Variants in MLIP observed in about 807,000 individuals in gnomAD.
MLIP encodes muscular LMNA-interacting protein.
In MLIP, 79 loss-of-function variants were observed where a neutral mutation model predicts 84.8. That is an observed-to-expected ratio of 0.93 (90% CI 0.78 to 1.12). The LOEUF is 1.12. MLIP is among the 50% of genes most tolerant of loss of function. MLIP has a pLI of 0.00. For missense variants in MLIP, 1,257 were observed against 1,160.6 expected (o/e 1.08, Z -1.21); for synonymous variants, 504 against 463.0 (o/e 1.09, Z -1.14).
chr6:54,113,424 G>A (rs965170781), intron 1 of MLIP, among the ~76,000 whole-genome samples: 19 of 152,078 alleles, frequency 1.2e-4, no homozygotes, highest in Admixed American at 7.2e-4. Flanking sequence ...GTTGTATTAC[G>A]TATTGTTGAT....
chr6:54,045,387 G>T (rs1159207013), intron 1 of MLIP: 2 of 151,964 alleles, frequency 1.3e-5, no homozygotes, highest in Middle Eastern at 3.2e-3. Flanking sequence ...GATGCACCAT[G>T]CATGATCAAA....
chr6:54,183,798 G>A lies in MLIP; in HGVS notation c.2545-6072G>A, dbSNP rs75199576. 4.2e-5 allele frequency among the ~76,000 whole-genome samples: 6 copies of A among 144,350 alleles called. No individual in the cohort carries two copies. In the East Asian group the frequency reaches 6.3e-4, roughly 15 times the overall value. The allele number at this position is 144,350 out of a possible 152,430, so 94.7% of individuals were successfully genotyped here. ...TCTCTCTCTGTTACCAGGCTGGAGTGCAGTGGCGCGATCGTGACTCACTGC... is the reference window on the plus strand; with the variant it reads ...TCTCTCTCTGTTACCAGGCTGGAGTACAGTGGCGCGATCGTGACTCACTGC... On this transcript the variant is annotated intron_variant, in intron 9 of 13. Coordinates refer to ENST00000502396, the MANE Select transcript of MLIP (RefSeq NM_001281747.2).
intron 10 of MLIP, among the ~76,000 whole-genome samples, chr6:54,200,253 G>T (rs1454837703): frequency 6.6e-6 from 1 of 152,170 alleles, no homozygotes; most frequent in Non-Finnish European, 1.5e-5. Context: ...GACCCAGGCA[G>T]TCATATTTCT....
chr6:54,263,488 G>A (rs1268156139), intron 13 of MLIP, among the ~76,000 whole-genome samples: 2 of 151,838 alleles, frequency 1.3e-5, no homozygotes, highest in African/African-American at 4.8e-5. Flanking sequence ...CACATTTCTT[G>A]GAAATGGCTT....
intron 5 of MLIP, among the ~76,000 whole-genome samples, chr6:54,152,802 T>TGAC (rs1253265176): frequency 6.6e-6 from 1 of 152,168 alleles, no homozygotes; most frequent in Non-Finnish European, 1.5e-5. Flanking sequence ...TTAAACTGTT[T>TGAC]GACACATATT....
intron 13 of MLIP, among the ~76,000 whole-genome samples, chr6:54,258,259 C>T (rs1288622789): frequency 2.0e-5 from 3 of 152,058 alleles, no homozygotes; most frequent in African/African-American, 2.4e-5. Flanking sequence ...TAAAATTCCA[C>T]GTATAATTTG....
At chr6:54,027,309 T>C (rs1035825062) in intron 1 of MLIP, among the ~76,000 whole-genome samples, 1 of 151,518 alleles carries the variant, frequency 6.6e-6, no homozygotes, top group East Asian at 1.9e-4. Flanking sequence ...AAATAAAGCA[T>C]TATATTTTCT....
intron 1 of MLIP, among the ~76,000 whole-genome samples, chr6:54,065,520 G>A (rs1159394688): frequency 9.9e-6 from 1 of 100,528 alleles, no homozygotes; most frequent in African/African-American, 2.5e-5. Context: ...CAGCAGAAGG[G>A]CATTCGAGAA....
chr6:54,021,348 T>C (rs1385769335), intron 1 of MLIP, among the ~76,000 whole-genome samples: 1 of 152,220 alleles, frequency 6.6e-6, no homozygotes, highest in African/African-American at 2.4e-5. Context: ...TATACGTTTG[T>C]TAAAATTAAA....
chr6:54,060,260 G>A (rs941133749), intron 1 of MLIP, among the ~76,000 whole-genome samples: 3 of 152,200 alleles, frequency 2.0e-5, no homozygotes, highest in African/African-American at 7.2e-5. Flanking sequence ...TGGCATTCTT[G>A]CCAAAATTCT....
At chr6:54,030,750 A>G (rs1764086300) in intron 1 of MLIP, 1 of 152,192 alleles carries the variant, frequency 6.6e-6, no homozygotes, top group South Asian at 2.1e-4. Flanking sequence ...ACAGGACTAT[A>G]AATTGCTACC....
intron 1 of MLIP, among the ~76,000 whole-genome samples, chr6:54,071,603 CT>C (rs1259144401): frequency 1.3e-5 from 2 of 151,962 alleles, no homozygotes; most frequent in Non-Finnish European, 2.9e-5. Context: ...ATATAAATGA[CT>C]TTTAAAGTTA....
At chr6:54,228,341 A>T (rs934829302) in intron 11 of MLIP, among the ~76,000 whole-genome samples, 2 of 152,216 alleles carry the variant, frequency 1.3e-5, no homozygotes, top group Non-Finnish European at 2.9e-5. Context: ...GCACAGATTG[A>T]AACATAAATA....
At chr6:54,221,061 A>G (rs958732943) in intron 11 of MLIP, among the ~76,000 whole-genome samples, 1 of 152,182 alleles carries the variant, frequency 6.6e-6, no homozygotes, top group Non-Finnish European at 1.5e-5. Flanking sequence ...AACAAACTTC[A>G]AGACGCATTA....
intron 12 of MLIP, among the ~76,000 whole-genome samples, chr6:54,254,224 T>A (rs1782838359): frequency 6.6e-6 from 1 of 151,360 alleles, no homozygotes; most frequent in Non-Finnish European, 1.5e-5. Flanking sequence ...CCTCCCGGGT[T>A]CAAGCAATTC....
At chr6:54,234,806 G>T (rs1781254854) in intron 12 of MLIP, among the ~76,000 whole-genome samples, 1 of 152,072 alleles carries the variant, frequency 6.6e-6, no homozygotes, top group Non-Finnish European at 1.5e-5. Flanking sequence ...CTTTCCGACT[G>T]CTCCTTCTTT....
chr6:54,104,177 A>T (rs1768848594), intron 1 of MLIP, among the ~76,000 whole-genome samples: 1 of 152,124 alleles, frequency 6.6e-6, no homozygotes, highest in South Asian at 2.1e-4. Flanking sequence ...ATGGAATAGG[A>T]TGCTATTGCT....
chr6:54,219,306 A>G (rs974345914), intron 11 of MLIP, among the ~76,000 whole-genome samples: 4 of 149,668 alleles, frequency 2.7e-5, no homozygotes, highest in African/African-American at 9.8e-5. Flanking sequence ...TCTTTAATCT[A>G]TAAGCTTTTT....
At chr6:54,158,073 G>T (rs141315836) in intron 5 of MLIP, among the ~76,000 whole-genome samples, 5 of 152,118 alleles carry the variant, frequency 3.3e-5, no homozygotes, top group African/African-American at 1.2e-4. Context: ...ATGCCAAAAT[G>T]GCAGTTCTAG....
Sources: allele counts gnomAD v4.1 joint callset (sites outside exome capture counted in the v4.1 genomes callset), GRCh38; gene constraint gnomAD v4.1.1; transcripts MANE v1.5; gene names NCBI Gene and HGNC (gene_info 2026-07-23, HGNC 2026-07-21).